The following RSRC1 variants were observed in gnomAD, a reference collection of about 807,000 sequenced individuals.
RSRC1 encodes serine/Arginine-related protein 53.
A neutral mutation model predicts 49.1 loss-of-function variants in RSRC1; 39 were observed. The observed-to-expected ratio is 0.79, with a 90% CI of 0.61 to 1.04. RSRC1 has a LOEUF of 1.04. RSRC1 is among the 50% of genes least tolerant of loss of function. The pLI, the probability that RSRC1 is intolerant of heterozygous loss-of-function variation, is 0.00. For missense variants in RSRC1, 388 were observed against 402.4 expected (o/e 0.96, Z 0.31); for synonymous variants, 143 against 130.8 (o/e 1.09, Z -0.63).
At chr3:158,424,653 G>A (rs1316882175) in intron 6 of RSRC1, among the ~76,000 whole-genome samples, 4 of 151,592 alleles carry the variant, frequency 2.6e-5, no homozygotes, top group Non-Finnish European at 5.9e-5. Context: ...CAGAAGGAAT[G>A]GTACCAGTTC....
intron 5 of RSRC1, among the ~76,000 whole-genome samples, chr3:158,351,561 A>G (rs1269229092): frequency 1.3e-5 from 2 of 152,232 alleles, no homozygotes; most frequent in Admixed American, 1.3e-4. Context: ...TTTTAGAATC[A>G]AATTTCATTT....
intron 6 of RSRC1, among the ~76,000 whole-genome samples, chr3:158,394,110 A>G (rs1733478997): frequency 6.6e-6 from 1 of 152,096 alleles, no homozygotes; most frequent in Non-Finnish European, 1.5e-5. Context: ...ACATCCCTGC[A>G]TGTTAAAAAC....
chr3:158,315,767 A>T (rs1728392100), intron 5 of RSRC1, among the ~76,000 whole-genome samples: 1 of 152,016 alleles, frequency 6.6e-6, no homozygotes, highest in Non-Finnish European at 1.5e-5. Flanking sequence ...TGATTTGGAG[A>T]TTTATGTCAT....
intron 6 of RSRC1, among the ~76,000 whole-genome samples, chr3:158,372,435 C>A (rs1426146941): frequency 1.3e-5 from 2 of 151,824 alleles, no homozygotes; most frequent in African/African-American, 2.4e-5. Flanking sequence ...TGCCTTTGTA[C>A]CTTTGCAAAG....
intron 6 of RSRC1, among the ~76,000 whole-genome samples, chr3:158,399,694 A>C (rs1658198824): frequency 6.6e-6 from 1 of 152,158 alleles, no homozygotes; most frequent in African/African-American, 2.4e-5. Flanking sequence ...CAGCAGAGAT[A>C]ATTTAGCACA....
chr3:158,276,497 CT>C, intron 4 of RSRC1: 1 of 573,532 alleles, frequency 1.7e-6, no homozygotes, highest in Non-Finnish European at 3.1e-6. Context: ...TAACATTTGT[CT>C]TTTTTTCATG....
chr3:158,147,856 T>G (rs1717244744), intron 3 of RSRC1, among the ~76,000 whole-genome samples: 2 of 152,168 alleles, frequency 1.3e-5, no homozygotes, highest in African/African-American at 2.4e-5. Flanking sequence ...CTAGCAGTGC[T>G]TCTCAAATTA....
intron 3 of RSRC1, among the ~76,000 whole-genome samples, chr3:158,127,344 G>C (rs1409296986): frequency 6.6e-6 from 1 of 151,742 alleles, no homozygotes; most frequent in Non-Finnish European, 1.5e-5. Flanking sequence ...TAGTCCCTTA[G>C]GCTTCCTTCA....
chr3:158,310,641 A>G (rs1389195566), intron 5 of RSRC1, among the ~76,000 whole-genome samples: 1 of 151,810 alleles, frequency 6.6e-6, no homozygotes, highest in Admixed American at 6.6e-5. Context: ...AGAGTTTGAT[A>G]AATTTAGAGA....
chr3:158,156,079 T>C (rs997181921), intron 3 of RSRC1, among the ~76,000 whole-genome samples: 6 of 152,232 alleles, frequency 3.9e-5, no homozygotes, highest in African/African-American at 1.2e-4. Flanking sequence ...TTTGTCTGCA[T>C]TGAAAATCTG....
chr3:158,475,617 T>C (rs143300480), intron 7 of RSRC1, among the ~76,000 whole-genome samples: 4 of 152,274 alleles, frequency 2.6e-5, no homozygotes, highest in Non-Finnish European at 5.9e-5. Context: ...TGGATGTTAC[T>C]GTAGTAGTTG....
intron 4 of RSRC1, among the ~76,000 whole-genome samples, chr3:158,290,492 G>A (rs575330423): frequency 2.6e-5 from 4 of 152,008 alleles, no homozygotes; most frequent in Admixed American, 2.6e-4. Context: ...AGCCAGGATG[G>A]TCTCGATTTC....
intron 6 of RSRC1, among the ~76,000 whole-genome samples, chr3:158,417,375 G>A (rs978415583): frequency 6.6e-6 from 1 of 151,982 alleles, no homozygotes; most frequent in Non-Finnish European, 1.5e-5. Flanking sequence ...TGCTTCACAT[G>A]CAAATTGTTT....
chr3:158,290,952 G>T (rs1047689401), intron 4 of RSRC1, among the ~76,000 whole-genome samples: 2 of 152,106 alleles, frequency 1.3e-5, no homozygotes, highest in Non-Finnish European at 2.9e-5. Flanking sequence ...CCAGTTCTTT[G>T]GGTGGCTGAG....
At chr3:158,495,540 C>A (rs1042949308) in intron 7 of RSRC1, among the ~76,000 whole-genome samples, 3 of 152,162 alleles carry the variant, frequency 2.0e-5, no homozygotes, top group African/African-American at 7.2e-5. Flanking sequence ...CCCACCTCAG[C>A]CTCCCAAAGT....
chr3:158,276,469 G>A, intron 4 of RSRC1: 1 of 641,048 alleles, frequency 1.6e-6, no homozygotes, highest in Non-Finnish European at 2.8e-6. Context: ...GCCAAGGTTA[G>A]CCTTTAGATA....
chr3:158,455,959 G>C (rs1167726691), intron 6 of RSRC1, among the ~76,000 whole-genome samples: 2 of 111,412 alleles, frequency 1.8e-5, no homozygotes, highest in Non-Finnish European at 3.4e-5. Context: ...CAGCCTGGGG[G>C]ACAGAGCAAG....
At chr3:158,347,017 A>C (rs1231314138) in intron 5 of RSRC1, among the ~76,000 whole-genome samples, 4 of 152,262 alleles carry the variant, frequency 2.6e-5, no homozygotes, top group Non-Finnish European at 5.9e-5. Context: ...AGATATGTTA[A>C]ATATATACAC....
chr3:158,454,048 AC>A (rs1450874878), intron 6 of RSRC1, among the ~76,000 whole-genome samples: 3 of 151,976 alleles, frequency 2.0e-5, no homozygotes, highest in African/African-American at 7.3e-5. Context: ...TCACAGTTTC[AC>A]CACAATTTGC....
Sources: gnomAD v4.1 joint callset for allele counts (sites outside exome capture counted in the v4.1 genomes callset) on GRCh38, gnomAD v4.1.1 for gene constraint, MANE v1.5 for transcripts, NCBI Gene and HGNC (gene_info 2026-07-23, HGNC 2026-07-21) for gene names.